Variants in OSBPL1A observed in about 807,000 individuals in gnomAD.
OSBPL1A encodes oxysterol binding protein like 1A.
Under a neutral mutation model 137.1 loss-of-function variants are expected in OSBPL1A, and 80 were observed. That is an observed-to-expected ratio of 0.58 (90% CI 0.49 to 0.70). The LOEUF (loss-of-function observed/expected upper bound fraction) is 0.70, where lower values mean the gene tolerates loss of function less well. OSBPL1A is among the 30% of genes least tolerant of loss of function. The probability of loss-of-function intolerance (pLI) is 0.00; values close to 1 mark genes in which losing one functional copy is unlikely to be tolerated. For missense variants in OSBPL1A, 970 were observed against 1,129.4 expected (o/e 0.86, Z 2.02); for synonymous variants, 365 against 389.7 (o/e 0.94, Z 0.75).
Position 24,257,736 on chromosome 18 carries a change from AG to A in OSBPL1A, c.1282-18355del, listed in dbSNP as rs558327607. On this transcript the variant is annotated intron_variant, in intron 15 of 27. Transcript: ENST00000319481. ...ATATTTGCAAACTACCCATCTGACA[AG>A]GGATGAATATACAGAATATATAAGG... Among the ~76,000 whole-genome samples, 7 of 152,344 alleles carry A rather than the reference AG, an allele frequency of 4.6e-5. No homozygotes were observed. In the South Asian group the frequency reaches 1.5e-3, roughly 32 times the overall value.
intron 15 of OSBPL1A, among the ~76,000 whole-genome samples, chr18:24,240,974 C>T (rs1001768697): frequency 3.3e-5 from 5 of 152,150 alleles, no homozygotes; most frequent in Admixed American, 6.5e-5. Flanking sequence ...TAACACCACA[C>T]GTCTACCACC....
intron 4 of OSBPL1A, chr18:24,358,439 C>T: frequency 1.4e-6 from 1 of 702,166 alleles, no homozygotes; most frequent in Non-Finnish European, 2.6e-6. Context: ...CCCTCGTGCA[C>T]AGGTGTGATG....
At chr18:24,338,159 G>C (rs1327448192) in intron 5 of OSBPL1A, among the ~76,000 whole-genome samples, 1 of 150,222 alleles carries the variant, frequency 6.7e-6, no homozygotes, top group African/African-American at 2.5e-5. Context: ...TGCAACCTCT[G>C]CCTCTCGGGT....
intron 15 of OSBPL1A, among the ~76,000 whole-genome samples, chr18:24,264,809 G>A (rs937022700): frequency 6.6e-6 from 1 of 152,186 alleles, no homozygotes; most frequent in Non-Finnish European, 1.5e-5. Flanking sequence ...TAGTTGGGCT[G>A]TTCTTTGGCA....
chr18:24,193,100 T>C (rs753828306), intron 18 of OSBPL1A, among the ~76,000 whole-genome samples: 4 of 152,178 alleles, frequency 2.6e-5, no homozygotes, highest in Non-Finnish European at 2.9e-5. Flanking sequence ...GGAAGAGAGA[T>C]GATAGCTGAA....
chr18:24,312,329 G>A (rs1341663682), intron 12 of OSBPL1A, among the ~76,000 whole-genome samples: 2 of 152,104 alleles, frequency 1.3e-5, no homozygotes, highest in Non-Finnish European at 2.9e-5. Context: ...TCATCTATAA[G>A]TTTACATATT....
chr18:24,347,171 C>G (rs1407236125), intron 4 of OSBPL1A, among the ~76,000 whole-genome samples: 1 of 151,996 alleles, frequency 6.6e-6, no homozygotes. Flanking sequence ...AGTTTTACTT[C>G]TTGTAAAGTA....
chr18:24,230,522 A>G (rs2088237325), intron 16 of OSBPL1A, among the ~76,000 whole-genome samples: 1 of 152,186 alleles, frequency 6.6e-6, no homozygotes, highest in Non-Finnish European at 1.5e-5. Context: ...GGATGCATGG[A>G]CTATATTCTG....
chr18:24,319,683 A>AAAAAC (rs2090806492), intron 7 of OSBPL1A, among the ~76,000 whole-genome samples: 1 of 152,120 alleles, frequency 6.6e-6, no homozygotes. Context: ...AAAAGGTAAA[A>AAAAAC]AAACAAACAA....
At chr18:24,219,264 G>C (rs2087810973) in intron 17 of OSBPL1A, among the ~76,000 whole-genome samples, 1 of 152,116 alleles carries the variant, frequency 6.6e-6, no homozygotes, top group South Asian at 2.1e-4. Context: ...CTGCACTCCA[G>C]CCTGGGCAAT....
At chr18:24,192,548 C>A (rs1451396970) in intron 18 of OSBPL1A, among the ~76,000 whole-genome samples, 1 of 152,122 alleles carries the variant, frequency 6.6e-6, no homozygotes, top group African/African-American at 2.4e-5. Flanking sequence ...CTGCTCAAAA[C>A]AGACTGGGAG....
chr18:24,262,334 GC>G (rs1319252882), intron 15 of OSBPL1A, among the ~76,000 whole-genome samples: 2 of 151,882 alleles, frequency 1.3e-5, no homozygotes, highest in African/African-American at 4.8e-5. Flanking sequence ...AAAATAGCTT[GC>G]TCTTACATAA....
At chr18:24,226,719 G>A (rs2088088309) in intron 16 of OSBPL1A, among the ~76,000 whole-genome samples, 2 of 152,066 alleles carry the variant, frequency 1.3e-5, no homozygotes, top group Non-Finnish European at 2.9e-5. Flanking sequence ...CCAAGTGCAG[G>A]TTAGATAATG....
chr18:24,286,461 A>G (rs2090068749), intron 14 of OSBPL1A, among the ~76,000 whole-genome samples: 1 of 152,296 alleles, frequency 6.6e-6, no homozygotes, highest in South Asian at 2.1e-4. Flanking sequence ...ATTTATATTC[A>G]TTGCACTGGA....
chr18:24,176,106 C>A (rs925931016), intron 21 of OSBPL1A, among the ~76,000 whole-genome samples: 51 of 152,348 alleles, frequency 3.3e-4, no homozygotes, highest in African/African-American at 1.2e-3. Flanking sequence ...TCTTCCTTTT[C>A]AAAATTATTT....
At chr18:24,348,965 G>A (rs1215007165) in intron 4 of OSBPL1A, among the ~76,000 whole-genome samples, 3 of 151,768 alleles carry the variant, frequency 2.0e-5, no homozygotes, top group Admixed American at 1.3e-4. Context: ...CGAGGAGTTC[G>A]AGACCAACCT....
intron 27 of OSBPL1A, among the ~76,000 whole-genome samples, chr18:24,164,067 G>C (rs1018597372): frequency 6.6e-6 from 1 of 152,144 alleles, no homozygotes; most frequent in African/African-American, 2.4e-5. Flanking sequence ...ATGAGAAGCT[G>C]AATGTCCAAG....
chr18:24,279,581 A>T (rs2089916135), intron 15 of OSBPL1A, among the ~76,000 whole-genome samples: 1 of 152,228 alleles, frequency 6.6e-6, no homozygotes, highest in Non-Finnish European at 1.5e-5. Flanking sequence ...GGTACAAGTA[A>T]ACTAAAACAA....
At chr18:24,285,684 G>C (rs991268087) in intron 14 of OSBPL1A, among the ~76,000 whole-genome samples, 1 of 152,004 alleles carries the variant, frequency 6.6e-6, no homozygotes, top group Non-Finnish European at 1.5e-5. Context: ...AACACAAACA[G>C]GAGAGAGACT....
Sources: gnomAD v4.1 joint callset for allele counts (sites outside exome capture counted in the v4.1 genomes callset) on GRCh38, gnomAD v4.1.1 for gene constraint, MANE v1.5 for transcripts, NCBI Gene and HGNC (gene_info 2026-07-23, HGNC 2026-07-21) for gene names.